The following WWP2 variants were observed in gnomAD, a reference collection of about 807,000 sequenced individuals.
WWP2 encodes the protein NEDD4-like E3 ubiquitin-protein ligase WWP2.
WWP2 carries 57 observed loss-of-function variants against 121.0 expected under a neutral mutation model. The ratio of observed to expected loss-of-function variants is 0.47; its 90% confidence interval spans 0.38 to 0.59. The LOEUF is 0.59. Among genes scored for constraint, WWP2 ranks in the 20% least tolerant of loss-of-function variants. The pLI is 0.00. For missense variants in WWP2, 962 were observed against 1,158.9 expected (o/e 0.83, Z 2.47); for synonymous variants, 449 against 441.3 (o/e 1.02, Z -0.22).
Position 69,917,798 on chromosome 16 carries a change from A to ACGTG in WWP2, c.1097_1100dup (p.Asn368AlafsTer4). 6.2e-7 allele frequency: 1 copy of ACGTG among 1,614,132 alleles called. No homozygotes were observed. The highest frequency in any genetic ancestry group is 8.5e-7 in the Non-Finnish European group (1 of 1,179,916). Reference sequence around the variant, plus strand: ...ACCTGGCAGCGTCCGACCGCGGAGTACGTGCGCAACTATGAGCAGTGGCAG... The same window carrying ACGTG: ...ACCTGGCAGCGTCCGACCGCGGAGTACGTGCGTGCGCAACTATGAGCAGTGGCAG... On this transcript the variant is annotated frameshift_variant, in exon 10 of 24. Coordinates refer to ENST00000359154, the MANE Select transcript of WWP2 (RefSeq NM_001270454.2). LOFTEE classifies it high-confidence loss of function.
chr16:69,786,191 C>A (rs2055785520), intron 1 of WWP2: 1 of 150,230 alleles, frequency 6.7e-6, no homozygotes, highest in African/African-American at 2.5e-5. Flanking sequence ...GTTGCCCAGG[C>A]TGGAGTGCAG....
chr16:69,862,931 C>T (rs969128761), intron 6 of WWP2, among the ~76,000 whole-genome samples: 6 of 151,928 alleles, frequency 3.9e-5, no homozygotes, highest in Non-Finnish European at 5.9e-5. Context: ...TCTCCCTGTG[C>T]TGCCAGGCTG....
At chr16:69,924,704 AC>A (rs1170662586) in intron 10 of WWP2, among the ~76,000 whole-genome samples, 193 of 27,848 alleles carry the variant, frequency 6.9e-3, no homozygotes, top group Admixed American at 0.02. Flanking sequence ...AACACCCCCC[AC>A]CCCCCCCACC....
chr16:69,937,482 G>T lies in WWP2; in HGVS notation c.2239-66G>T. 6.5e-7 allele frequency: 1 copy of T among 1,542,436 alleles called. No individual in the cohort carries two copies. The highest frequency in any genetic ancestry group is 9.0e-7 in the Non-Finnish European group (1 of 1,116,940). ...TTGAATATGTTTGGGGTAATGTCAA[G>T]TGCTAGCGAGTGGACGATGCGCGGG... On this transcript the variant is annotated intron_variant, in intron 20 of 23. Coordinates refer to ENST00000359154, the MANE Select transcript of WWP2 (RefSeq NM_001270454.2). This position sits in a 1 kb window ranked among gnomAD's most constrained non-coding sequence, Gnocchi z 6.6.
At chr16:69,781,774 G>A (rs565624010) in intron 1 of WWP2, among the ~76,000 whole-genome samples, 3 of 152,274 alleles carry the variant, frequency 2.0e-5, no homozygotes, top group South Asian at 2.1e-4. Flanking sequence ...AGTCTGGGAA[G>A]TCTAAGGTGG....
In WWP2 at chr16:69,941,061, T is replaced by G. The variant is rs1458189070; in HGVS notation, c.*1121T>G. On this transcript the variant is annotated 3_prime_UTR_variant, in exon 24 of 24. Transcript: ENST00000359154. The stretch of plus-strand genomic sequence containing the variant: ...TGGAGTGCAGCCCGCCAGCGGAAAG[T>G]GTTCATTCTGCATAGGTGTGAGGCT... 1.3e-5 allele frequency: 2 copies of G among 152,562 alleles called. No homozygotes were observed. The highest frequency in any genetic ancestry group is 2.9e-5 in the Non-Finnish European group (2 of 68,052). 9.5% of individuals were successfully genotyped at this position (152,562 alleles called of 1,614,324 possible). A position where few individuals can be genotyped will look rare whatever the true frequency, so the allele number is the denominator to read the frequency against.
chr16:69,800,167 C>A (rs2056131916), intron 4 of WWP2, among the ~76,000 whole-genome samples: 1 of 128,688 alleles, frequency 7.8e-6, no homozygotes, highest in South Asian at 2.7e-4. Context: ...TTTGAGCCTC[C>A]TCTGGTCTTT....
intron 1 of WWP2, among the ~76,000 whole-genome samples, chr16:69,780,144 G>A (rs4078387): frequency 0.27 from 40,356 of 151,866 alleles, 5,906 homozygotes; most frequent in East Asian, 0.41. Flanking sequence ...GTTCCTTCCC[G>A]TCGTACTTTT....
At chr16:69,829,475 C>T (rs1235183636) in intron 4 of WWP2, among the ~76,000 whole-genome samples, 2 of 152,190 alleles carry the variant, frequency 1.3e-5, no homozygotes, top group East Asian at 3.8e-4. Flanking sequence ...AGTCCAGCCC[C>T]GTTCATCTCT....
intron 11 of WWP2, among the ~76,000 whole-genome samples, chr16:69,928,053 A>T (rs568788685): frequency 6.6e-6 from 1 of 152,300 alleles, no homozygotes; most frequent in Non-Finnish European, 1.5e-5. Context: ...CAGTCGAGTC[A>T]TAGATACCAG....
At chr16:69,933,499 A>G (rs910498357) in intron 16 of WWP2, among the ~76,000 whole-genome samples, 1 of 152,102 alleles carries the variant, frequency 6.6e-6, no homozygotes, top group African/African-American at 2.4e-5. Flanking sequence ...GTTGCTGTGT[A>G]TTTACGTTAT....
At chr16:69,795,322 T>C (rs148184545) in intron 2 of WWP2, among the ~76,000 whole-genome samples, 457 of 152,264 alleles carry the variant, frequency 3.0e-3, no homozygotes, top group Non-Finnish European at 5.1e-3. Flanking sequence ...GGCATTTATC[T>C]ATAACCTTTG....
At chr16:69,779,157 G>C (rs2055609265) in intron 1 of WWP2, among the ~76,000 whole-genome samples, 1 of 152,042 alleles carries the variant, frequency 6.6e-6, no homozygotes, top group Non-Finnish European at 1.5e-5. Flanking sequence ...CACCATGTTG[G>C]CCAGGCTGGT....
intron 4 of WWP2, among the ~76,000 whole-genome samples, chr16:69,819,957 C>T (rs1232229809): frequency 6.6e-6 from 1 of 152,114 alleles, no homozygotes; most frequent in Non-Finnish European, 1.5e-5. Flanking sequence ...TGGAATCATA[C>T]AGCTGGGCAC....
intron 4 of WWP2, among the ~76,000 whole-genome samples, chr16:69,809,533 A>C (rs2077453714): frequency 6.6e-6 from 1 of 152,096 alleles, no homozygotes; most frequent in South Asian, 2.1e-4. Flanking sequence ...TTGGGAGGCC[A>C]AGGTGGGTGT....
chr16:69,918,595 T>C (rs752795058), intron 10 of WWP2, among the ~76,000 whole-genome samples: 2 of 152,256 alleles, frequency 1.3e-5, no homozygotes, highest in African/African-American at 4.8e-5. Context: ...TGAAAAAGTT[T>C]GTTATCTTTG....
chr16:69,805,152 G>A (rs1482274280), intron 4 of WWP2, among the ~76,000 whole-genome samples: 1 of 151,768 alleles, frequency 6.6e-6, no homozygotes, highest in Non-Finnish European at 1.5e-5. Flanking sequence ...CGATTCTCGT[G>A]CCTCAGACTA....
chr16:69,939,742 G>C, intron 23 of WWP2, 99 bp from the exon 24 acceptor site: 1 of 1,105,714 alleles, frequency 9.0e-7, no homozygotes, highest in Non-Finnish European at 1.3e-6. Context: ...CCTAGCCAGT[G>C]TGGTGCAAGC....
intron 10 of WWP2, chr16:69,924,967 T>C (rs1314597113): frequency 1.0e-6 from 1 of 987,698 alleles, no homozygotes; most frequent in East Asian, 1.1e-4. Context: ...ATGATTTCAT[T>C]GGAAAGGCCT....
Sources: allele counts gnomAD v4.1 joint callset (sites outside exome capture counted in the v4.1 genomes callset), GRCh38; gene constraint gnomAD v4.1.1; non-coding constraint Gnocchi (gnomAD v3.1); transcripts MANE v1.5; gene names NCBI Gene and HGNC (gene_info 2026-07-23, HGNC 2026-07-21).